Variants in PTRHD1 observed in about 807,000 individuals in gnomAD.
The protein encoded by PTRHD1 is peptidyl-tRNA hydrolase domain containing 1.
In PTRHD1, 12 loss-of-function variants were observed where a neutral mutation model predicts 13.6. The observed-to-expected ratio is 0.88, with a 90% CI of 0.57 to 1.43. The LOEUF (loss-of-function observed/expected upper bound fraction) is 1.43. Ranked by LOEUF, PTRHD1 falls within the 40% of genes most tolerant of loss-of-function variation. The probability of loss-of-function intolerance (pLI) is 0.00; values close to 1 mark genes in which losing one functional copy is unlikely to be tolerated. For missense variants in PTRHD1, 203 were observed against 184.7 expected (o/e 1.10, Z -0.57); for synonymous variants, 86 against 79.5 (o/e 1.08, Z -0.43).
At position 24,790,559 on chromosome 2, in the gene PTRHD1, T is replaced by C. The variant is rs768847693; in HGVS notation, c.275A>G (p.Lys92Arg). ...CTGTTGCAGGGTCTCGGCCAGCTCC[T>C]TTAGGGTGGTCTCATCTGGGGCCTA... is the stretch of plus-strand genomic sequence containing the variant. Reference protein sequence around the residue: ...VLEAPDETTLKELAETLQQKN... With the variant: ...VLEAPDETTLRELAETLQQKN... The change falls in exon 2 of 2, where the codon AAG (lysine) becomes AGG (arginine). Residue 92 changes from lysine (K) to arginine (R), a missense_variant. Physicochemically the swap from Lys to Arg is conservative, Grantham distance 26. Coordinates refer to ENST00000328379, the MANE Select transcript of PTRHD1 (RefSeq NM_001013663.2). 1 of 1,614,028 alleles carries C rather than the reference T, an allele frequency of 6.2e-7. No individual in the cohort carries two copies. Among genetic ancestry groups the C allele is most frequent in the Non-Finnish European group, 8.5e-7 (1 of 1,179,986 alleles).
In PTRHD1 at chr2:24,793,320, C is replaced by A; in HGVS notation, c.58G>T (p.Ala20Ser). The A allele has an allele frequency of 1.9e-6, 3 of 1,613,858 alleles. No individual in the cohort carries two copies. The highest frequency in any genetic ancestry group is 2.2e-5 in the East Asian group (1 of 44,884). ...TATTGTACCAGGACCTGCGGCTCCG[C>A]CCCAGAGGCCGCCATCTTCCTGACC... ...RVVRKMAASG[A>S]EPQVLVQYLV... The change falls in exon 1 of 2, where the codon GCG becomes TCG. Residue 20 changes from alanine (A) to serine (S), a missense_variant. Physicochemically the swap from Ala to Ser is moderately conservative, Grantham distance 99 (BLOSUM62 1). Transcript: ENST00000328379.
At chr2:24,792,132 T>C (rs1341509716) in intron 1 of PTRHD1, among the ~76,000 whole-genome samples, 1 of 152,182 alleles carries the variant, frequency 6.6e-6, no homozygotes, top group Non-Finnish European at 1.5e-5. Context: ...CTCAAGGCAT[T>C]TTTCCTACAG....
At chr2:24,790,620 A>T (rs1367182124) in intron 1 of PTRHD1, 39 bp from the exon 2 acceptor site, 36 of 1,569,396 alleles carry the variant, frequency 2.3e-5, no homozygotes, top group Non-Finnish European at 2.9e-5. Context: ...TGAATAGCCC[A>T]CTTAGGAAGT....
rs1352813072 is a variant in PTRHD1, at chr2:24,793,305, G to A, written c.73C>T (p.Leu25=). 1 of 1,613,936 alleles carries A rather than the reference G, an allele frequency of 6.2e-7. No individual in the cohort carries two copies. Among genetic ancestry groups the A allele is most frequent in the South Asian group, 1.1e-5 (1 of 91,088 alleles). The change falls in exon 1 of 2, where the codon CTG becomes TTG. Residue 25 remains leucine, a synonymous_variant. Coordinates refer to ENST00000328379, the MANE Select transcript of PTRHD1 (RefSeq NM_001013663.2). ...TTTCGTAACACCAAGTATTGTACCA[G>A]GACCTGCGGCTCCGCCCCAGAGGCC... ...MAASGAEPQV[L]VQYLVLRKDL... is the part of the protein sequence containing the mutation.
At chr2:24,792,939 G>T (rs933165546) in intron 1 of PTRHD1, 187 bp downstream of exon 1, 3 of 689,434 alleles carry the variant, frequency 4.4e-6, no homozygotes, top group Non-Finnish European at 7.2e-6. Flanking sequence ...GAGGACTGCT[G>T]TCCACTCTTC....
chr2:24,792,454 T>C (rs1001105893), intron 1 of PTRHD1: 4 of 152,552 alleles, frequency 2.6e-5, no homozygotes, highest in African/African-American at 7.2e-5. Context: ...TCTGTATATA[T>C]AGTTCAGTTA....
chr2:24,793,053 C>A, intron 1 of PTRHD1, 73 bp downstream of exon 1: 1 of 1,510,246 alleles, frequency 6.6e-7, no homozygotes, highest in Non-Finnish European at 8.9e-7. Context: ...CGCAGCCAGG[C>A]CTTCGGACCG....
In PTRHD1 at chr2:24,790,253, A is replaced by G; in HGVS notation, c.*158T>C. On this transcript the variant is annotated 3_prime_UTR_variant, in exon 2 of 2. Coordinates refer to ENST00000328379, the MANE Select transcript of PTRHD1 (RefSeq NM_001013663.2). ...CCACCTTCCCCACTTGAACTTATTAATAAGAGGAAGTAGTTATTAATGACA... is the reference window on the plus strand; with the variant it reads ...CCACCTTCCCCACTTGAACTTATTAGTAAGAGGAAGTAGTTATTAATGACA... 1.3e-6 allele frequency: 1 copy of G among 762,116 alleles called. No homozygotes were observed. The highest frequency in any genetic ancestry group is 2.0e-6 in the Non-Finnish European group (1 of 488,428). 47.2% of individuals were successfully genotyped at this position (762,116 alleles called of 1,614,324 possible).
At position 24,790,462 on chromosome 2, in the gene PTRHD1, G is replaced by A. The variant is rs764555097; in HGVS notation, c.372C>T (p.Tyr124=). The part of the protein sequence containing the change: ...NIATCIALRP[Y]PKEEVGQYLK... ...AATACTGGCCCACTTCTTCCTTGGG[G>A]TAGGGCCGGAGAGCAATACAAGTGG... Residue 124 remains tyrosine (Y), a synonymous_variant, in exon 2 of 2, where the codon TAC becomes TAT. Coordinates refer to ENST00000328379, the MANE Select transcript of PTRHD1 (RefSeq NM_001013663.2). 3 of 1,614,148 alleles carry A rather than the reference G, an allele frequency of 1.9e-6. No homozygotes were observed. Among genetic ancestry groups the A allele is most frequent in the Non-Finnish European group, 2.5e-6 (3 of 1,180,030 alleles).
Position 24,793,278 on chromosome 2 carries a change from C to A in PTRHD1, c.100G>T (p.Asp34Tyr). Reference protein sequence around the residue: ...VLVQYLVLRKDLSQAPFSWPA... With the variant: ...VLVQYLVLRKYLSQAPFSWPA... ...CAGGAGAACGGAGCTTGTGATAGAT[C>A]CTTTCGTAACACCAAGTATTGTACC... The change falls in exon 1 of 2, where the codon GAT becomes TAT. Residue 34 changes from aspartate (D) to tyrosine (Y), a missense_variant. Transcript: ENST00000328379. 6.2e-7 allele frequency: 1 copy of A among 1,613,960 alleles called. No homozygotes were observed. Among genetic ancestry groups the A allele is most frequent in the South Asian group, 1.1e-5 (1 of 91,090 alleles).
chr2:24,790,726 G>A (rs541593781), intron 1 of PTRHD1, 145 bp from the exon 2 acceptor site: 27 of 674,490 alleles, frequency 4.0e-5, no homozygotes, highest in South Asian at 3.9e-5. Context: ...ATGTCATTCC[G>A]TGGTGCACTG....
intron 1 of PTRHD1, 95 bp downstream of exon 1, chr2:24,793,031 G>T (rs1665674344): frequency 2.1e-6 from 3 of 1,410,634 alleles, no homozygotes; most frequent in Non-Finnish European, 9.5e-7. Context: ...AACTCCCGCC[G>T]CACCCACTCC....
At position 24,793,115 on chromosome 2, in the gene PTRHD1, G is replaced by A. The variant is rs954889096; in HGVS notation, c.252+11C>T. ...TGTCTCAGCACCTCCCCCTCCGCCC[G>A]AGTGCCTCACCTCGAGGACCACTTT... On this transcript the variant is annotated intron_variant, in intron 1 of 1. Coordinates refer to ENST00000328379, the MANE Select transcript of PTRHD1 (RefSeq NM_001013663.2). 5.0e-6 allele frequency: 8 copies of A among 1,608,006 alleles called. No homozygotes were observed. In the Admixed American group the frequency reaches 5.0e-5, roughly 10 times the overall value.
At position 24,793,058 on chromosome 2, in the gene PTRHD1, G is replaced by A. The variant is rs1278130383; in HGVS notation, c.252+68C>T. On this transcript the variant is annotated intron_variant, in intron 1 of 1. Coordinates refer to ENST00000328379, the MANE Select transcript of PTRHD1 (RefSeq NM_001013663.2). ...ACCCACTCCCCGCAGCCAGGCCTTCGGACCGAAGACCACACCCACTTCCGC... is the reference window on the plus strand; with the variant it reads ...ACCCACTCCCCGCAGCCAGGCCTTCAGACCGAAGACCACACCCACTTCCGC... The A allele has an allele frequency of 3.7e-5, 57 of 1,539,344 alleles. No individual in the cohort carries two copies. The East Asian group carries it at 1.1e-3, about 31-fold the overall frequency.
chr2:24,790,654 G>T (rs12471620), intron 1 of PTRHD1, 73 bp from the exon 2 acceptor site: 4 of 1,448,718 alleles, frequency 2.8e-6, no homozygotes, highest in African/African-American at 2.8e-5. Flanking sequence ...AAAAGGTTTC[G>T]GGAGTCCTCT....
rs372899808 is a variant in PTRHD1, at chr2:24,793,181, G to T, written c.197C>A (p.Pro66Gln). The T allele has an allele frequency of 1.9e-6, 3 of 1,613,408 alleles. No individual in the cohort carries two copies. Among genetic ancestry groups the T allele is most frequent in the South Asian group, 1.1e-5 (1 of 91,064 alleles). The change falls in exon 1 of 2, where the codon CCG (proline) becomes CAG (glutamine). Residue 66 changes from proline (P) to glutamine (Q), a missense_variant. Physicochemically the swap from Pro to Gln is moderately conservative, Grantham distance 76. Transcript: ENST00000328379. The part of the protein sequence containing the change: ...TAALHTHRDH[P>Q]HTAAYLQELG... ...CTCTTGGAGGTAAGCGGCTGTGTGC[G>T]GGTGGTCGCGGTGAGTGTGCAAGGC...
chr2:24,791,511 C>A (rs1665622604), intron 1 of PTRHD1: 1 of 152,234 alleles, frequency 6.6e-6, no homozygotes, highest in African/African-American at 2.4e-5. Flanking sequence ...CCTATGAAGG[C>A]AGAAGCCACT....
At chr2:24,793,065 A>G in intron 1 of PTRHD1, 61 bp downstream of exon 1, 4 of 1,559,602 alleles carry the variant, frequency 2.6e-6, no homozygotes, top group Non-Finnish European at 3.5e-6. Flanking sequence ...TTCGGACCGA[A>G]GACCACACCC....
chr2:24,790,307 C>A lies in PTRHD1; in HGVS notation c.*104G>T. 1 of 1,345,218 alleles carries A rather than the reference C, an allele frequency of 7.4e-7. No homozygotes were observed. Among genetic ancestry groups the A allele is most frequent in the Non-Finnish European group, 1.0e-6 (1 of 979,332 alleles). The allele number at this position is 1,345,218 out of a possible 1,614,324, so 83.3% of individuals were successfully genotyped here. On this transcript the variant is annotated 3_prime_UTR_variant, in exon 2 of 2. Transcript: ENST00000328379. ...TTAATATGAACATGTGCTTAACCCT[C>A]AAGAAATTGTCACAACTGAAAGACG...
Sources: gnomAD v4.1 joint callset for allele counts (sites outside exome capture counted in the v4.1 genomes callset) on GRCh38, gnomAD v4.1.1 for gene constraint, MANE v1.5 for transcripts, NCBI Gene and HGNC (gene_info 2026-07-23, HGNC 2026-07-21) for gene names.